The following ATP6V0A1 variants were observed in gnomAD, a reference collection of about 807,000 sequenced individuals.
ATP6V0A1 encodes V-type proton ATPase 116 kDa subunit a 1.
ATP6V0A1 carries 43 observed loss-of-function variants against 105.4 expected under a neutral mutation model. That is an observed-to-expected ratio of 0.41 (90% CI 0.32 to 0.53). The LOEUF is 0.53. Ranked by LOEUF, ATP6V0A1 falls within the 20% of genes least tolerant of loss-of-function variation. ATP6V0A1 has a pLI of 0.30. For missense variants in ATP6V0A1, 676 were observed against 1,051.1 expected (o/e 0.64, Z 4.93); for synonymous variants, 362 against 372.8 (o/e 0.97, Z 0.33).
chr17:42,520,367 G>GC (rs2092790459), intron 21 of ATP6V0A1: 1 of 453,012 alleles, frequency 2.2e-6, no homozygotes, highest in African/African-American at 2.0e-5. Flanking sequence ...GAGTGAAAGG[G>GC]CCCCACAGAG....
At chr17:42,462,932 A>T (rs1186123936) in intron 2 of ATP6V0A1, among the ~76,000 whole-genome samples, 1 of 150,138 alleles carries the variant, frequency 6.7e-6, no homozygotes, top group African/African-American at 2.5e-5. Context: ...ACATCTTAAG[A>T]GTACAATTTG....
intron 14 of ATP6V0A1, 116 bp downstream of exon 14, chr17:42,495,832 A>C: frequency 2.2e-6 from 2 of 903,374 alleles, no homozygotes; most frequent in Non-Finnish European, 3.5e-6. Context: ...ATGGTCGCTC[A>C]TGCCTGTAAT....
At chr17:42,497,300 C>CAAAAAAA (rs1220778376) in intron 14 of ATP6V0A1, among the ~76,000 whole-genome samples, 1 of 57,554 alleles carries the variant, frequency 1.7e-5, no homozygotes, top group African/African-American at 6.4e-5. Flanking sequence ...GACCCTGTCT[C>CAAAAAAA]AAAAAAAAAA....
chr17:42,480,499 C>T, intron 7 of ATP6V0A1, 168 bp from the exon 8 acceptor site: 1 of 561,016 alleles, frequency 1.8e-6, no homozygotes, highest in Non-Finnish European at 3.1e-6. Context: ...GGCAGATGTT[C>T]TTGTAGTGAA....
At position 42,470,104 on chromosome 17, in the gene ATP6V0A1, G is replaced by A; in HGVS notation, c.309G>A (p.Lys103=). The change falls in exon 5 of 22, where the codon AAG becomes AAA. Residue 103 remains lysine, a synonymous_variant. Transcript: ENST00000343619. ...DMIDLEANFE[K]IENELKEINT... is the part of the protein sequence containing the mutation. ...ATTTCATCTAGGCCAATTTTGAGAA[G>A]ATTGAAAATGAACTGAAGGAAATCA... 1 of 1,606,072 alleles carries A rather than the reference G, an allele frequency of 6.2e-7. No individual in the cohort carries two copies. Among genetic ancestry groups the A allele is most frequent in the Non-Finnish European group, 8.5e-7 (1 of 1,175,384 alleles).
chr17:42,487,310 G>A lies in ATP6V0A1; in HGVS notation c.966G>A (p.Glu322=). The A allele has an allele frequency of 6.2e-7, 1 of 1,614,156 alleles. No individual in the cohort carries two copies. Among genetic ancestry groups the A allele is most frequent in the Non-Finnish European group, 8.5e-7 (1 of 1,180,034 alleles). Residue 322 remains glutamate (E), a synonymous_variant, in exon 10 of 22, where the codon GAG becomes GAA. Transcript: ENST00000343619. The part of the protein sequence containing the change: ...IDVTQKCLIA[E]VWCPVTDLDS... ...TGACTCAGAAATGCTTGATTGCAGA[G>A]GTCTGGTGCCCTGTCACCGACCTTG...
Position 42,494,476 on chromosome 17 carries a change from A to G in ATP6V0A1, c.1314+3A>G, listed in dbSNP as rs1476805345. 4.3e-6 allele frequency: 7 copies of G among 1,609,874 alleles called. No homozygotes were observed. The highest frequency in any genetic ancestry group is 5.9e-6 in the Non-Finnish European group (7 of 1,178,424). ...TTTCCCAGAAGAATGAGAATGAGGT[A>G]ATGTTTAAGTTACATCTGCATTGAA... On this transcript the variant is annotated splice_donor_region_variant and intron_variant, in intron 12 of 21. Transcript: ENST00000343619.
intron 19 of ATP6V0A1, among the ~76,000 whole-genome samples, chr17:42,509,098 C>A (rs1352075897): frequency 2.0e-5 from 3 of 151,952 alleles, no homozygotes; most frequent in African/African-American, 7.3e-5. Flanking sequence ...GTGGACCCTT[C>A]TCGGGGTCAG....
chr17:42,496,311 A>G (rs1194941126), intron 14 of ATP6V0A1: 1 of 152,114 alleles, frequency 6.6e-6, no homozygotes, highest in Non-Finnish European at 1.5e-5. Flanking sequence ...ATTTCTGCTT[A>G]CTTAGTTTGG....
intron 3 of ATP6V0A1, 142 bp from the exon 4 acceptor site, chr17:42,467,868 T>C (rs957223318): frequency 1.8e-5 from 4 of 222,076 alleles, no homozygotes; most frequent in Middle Eastern, 1.9e-3. Flanking sequence ...AAAGATATTA[T>C]ATCTTTTATA....
intron 21 of ATP6V0A1, among the ~76,000 whole-genome samples, chr17:42,517,760 A>G (rs2092690802): frequency 6.6e-6 from 1 of 152,144 alleles, no homozygotes; most frequent in African/African-American, 2.4e-5. Flanking sequence ...CTGCTGAACC[A>G]GCTGTAGGGA....
intron 3 of ATP6V0A1, among the ~76,000 whole-genome samples, chr17:42,467,221 T>C (rs758363567): frequency 3.9e-5 from 6 of 152,202 alleles, no homozygotes; most frequent in Non-Finnish European, 8.8e-5. Context: ...TACATTACTT[T>C]ATTCATTCTC....
chr17:42,486,277 G>T (rs1567833598), intron 9 of ATP6V0A1, among the ~76,000 whole-genome samples: 2 of 152,052 alleles, frequency 1.3e-5, no homozygotes. Context: ...CGTGCATGGT[G>T]GCGCGCGCCT....
intron 5 of ATP6V0A1, among the ~76,000 whole-genome samples, chr17:42,476,823 A>G (rs2088818826): frequency 6.6e-6 from 1 of 152,098 alleles, no homozygotes; most frequent in African/African-American, 2.4e-5. Flanking sequence ...CCTTCACTTT[A>G]CTTGATTCTT....
intron 20 of ATP6V0A1, 58 bp from the exon 21 acceptor site, chr17:42,514,231 A>G (rs745716270): frequency 1.3e-6 from 2 of 1,529,460 alleles, no homozygotes; most frequent in Non-Finnish European, 8.8e-7. Flanking sequence ...AGCAAAATTC[A>G]TGGCCTACAG....
chr17:42,477,072 G>C (rs2088847929), intron 5 of ATP6V0A1, among the ~76,000 whole-genome samples: 1 of 152,152 alleles, frequency 6.6e-6, no homozygotes, highest in Non-Finnish European at 1.5e-5. Context: ...TAGATACCTG[G>C]AGCTTCCCCT....
In ATP6V0A1 at chr17:42,473,407, G is replaced by A. The variant is rs545551604; in HGVS notation, c.423+3189G>A. Reference sequence around the variant, plus strand: ...TTATTGTGAGACACAAGATGAGTAAGACATGGTCCCTGTGTTTAAGGAATG... The same window carrying A: ...TTATTGTGAGACACAAGATGAGTAAAACATGGTCCCTGTGTTTAAGGAATG... On this transcript the variant is annotated intron_variant, in intron 5 of 21. Coordinates refer to ENST00000343619, the MANE Select transcript of ATP6V0A1 (RefSeq NM_001130021.3). 7.2e-5 allele frequency among the ~76,000 whole-genome samples: 11 copies of A among 152,324 alleles called. No homozygotes were observed. In the East Asian group the frequency reaches 1.9e-3, roughly 27 times the overall value.
chr17:42,513,830 A>G (rs374205213), intron 19 of ATP6V0A1, 31 bp from the exon 20 acceptor site: 64 of 1,593,774 alleles, frequency 4.0e-5, no homozygotes, highest in Middle Eastern at 1.7e-4. Flanking sequence ...TCCTAGCCTT[A>G]TATCTTCTCT....
At chr17:42,501,603 C>T (rs1043616493) in intron 17 of ATP6V0A1, among the ~76,000 whole-genome samples, 2 of 151,818 alleles carry the variant, frequency 1.3e-5, no homozygotes, top group African/African-American at 2.4e-5. Context: ...TTAGTAGAGA[C>T]GGGGTTTCAC....
Sources: allele counts gnomAD v4.1 joint callset (sites outside exome capture counted in the v4.1 genomes callset), GRCh38; gene constraint gnomAD v4.1.1; transcripts MANE v1.5; gene names NCBI Gene and HGNC (gene_info 2026-07-23, HGNC 2026-07-21).